ABLIM2: variants seen among roughly 807,000 people sequenced by gnomAD.
ABLIM2 encodes the protein actin-binding LIM protein 2.
A neutral mutation model predicts 97.7 loss-of-function variants in ABLIM2; 53 were observed. That is an observed-to-expected ratio of 0.54 (90% CI 0.44 to 0.68). The LOEUF (loss-of-function observed/expected upper bound fraction) is 0.68. Among genes scored for constraint, ABLIM2 ranks in the 30% least tolerant of loss-of-function variants. The pLI, the probability that ABLIM2 is intolerant of heterozygous loss-of-function variation, is 0.00. For synonymous variants in ABLIM2, 361 were observed against 345.8 expected (o/e 1.04, Z -0.49); for missense variants, 835 against 867.2 (o/e 0.96, Z 0.47).
At chr4:7,985,194 C>T (rs1055029661) in intron 17 of ABLIM2, among the ~76,000 whole-genome samples, 3 of 152,226 alleles carry the variant, frequency 2.0e-5, no homozygotes, top group African/African-American at 4.8e-5. Flanking sequence ...TTGAAAGCTG[C>T]TCCCAGGTGC....
At chr4:8,039,894 T>TTTTTC (rs1553989809) in intron 9 of ABLIM2, among the ~76,000 whole-genome samples, 2 of 145,542 alleles carry the variant, frequency 1.4e-5, no homozygotes, top group East Asian at 2.1e-4. Flanking sequence ...TTTTTTTTTT[T>TTTTTC]TTAATAAATG....
At chr4:8,034,945 TGGTGGGTGGTAGGTAGGTGGGTACG>T (rs1579299073) in intron 10 of ABLIM2, among the ~76,000 whole-genome samples, 1 of 81,176 alleles carries the variant, frequency 1.2e-5, no homozygotes, top group East Asian at 3.9e-4. Context: ...TGCGGATGGG[TGGTGGGTGGTAGGTAGGTGGGTACG>T]GGTGGGTGGT....
chr4:8,036,484 C>T (rs1004488902), intron 9 of ABLIM2, among the ~76,000 whole-genome samples, 189 bp from the exon 10 acceptor site: 30 of 152,106 alleles, frequency 2.0e-4, no homozygotes, highest in African/African-American at 7.2e-4. Context: ...GTGGCTGCTC[C>T]AGCAGCCGTG....
rs934209504 is a variant in ABLIM2 at position 8,005,275 on chromosome 4, C to T, written c.1618+2784G>A. On this transcript the variant is annotated intron_variant, in intron 16 of 20. Transcript: ENST00000447017. The surrounding 1 kb of genome is among the most constrained non-coding windows in gnomAD (Gnocchi z 4.9). ...GGGGCTGCTCTTGTCTTCTCTGTCC[C>T]CCTCGGCGCCCCGCTCAGCGTCTGG... 2 of 524,404 alleles carry T rather than the reference C, an allele frequency of 3.8e-6. No homozygotes were observed. Among genetic ancestry groups the T allele is most frequent in the Non-Finnish European group, 3.9e-6 (1 of 253,540 alleles). 32.5% of individuals were successfully genotyped at this position (524,404 alleles called of 1,614,324 possible). A position where few individuals can be genotyped will look rare whatever the true frequency, so the allele number is the denominator to read the frequency against.
chr4:8,110,752 G>A (rs1306914749), intron 1 of ABLIM2, among the ~76,000 whole-genome samples: 2 of 152,202 alleles, frequency 1.3e-5, no homozygotes, highest in Non-Finnish European at 2.9e-5. Flanking sequence ...CGCCTCCGAG[G>A]CGTCCGGGGG....
rs1474972989 is a variant in ABLIM2, at chr4:8,033,190, C to T, written c.1047+2959G>A. Among the ~76,000 whole-genome samples the T allele has an allele frequency of 4.6e-5, 7 of 152,204 alleles. No homozygotes were observed. The South Asian group carries it at 8.3e-4, about 18-fold the overall frequency. Reference sequence around the variant, plus strand: ...CGTCTTCCCAGGCTGGCACCCCATCCACCACCACCTGCACATATGTTCAGT... The same window carrying T: ...CGTCTTCCCAGGCTGGCACCCCATCTACCACCACCTGCACATATGTTCAGT... On this transcript the variant is annotated intron_variant, in intron 10 of 20. Coordinates refer to ENST00000447017, the MANE Select transcript of ABLIM2 (RefSeq NM_001130083.2). The surrounding 1 kb of genome is among the most constrained non-coding windows in gnomAD (Gnocchi z 4.5).
chr4:8,051,663 C>T (rs1796136737), intron 8 of ABLIM2, among the ~76,000 whole-genome samples: 1 of 152,106 alleles, frequency 6.6e-6, no homozygotes. Context: ...CTCTTAGAAC[C>T]AGGCAGGCAC....
At chr4:8,078,684 G>T (rs1278936531) in intron 5 of ABLIM2, among the ~76,000 whole-genome samples, 1 of 152,226 alleles carries the variant, frequency 6.6e-6, no homozygotes, top group Non-Finnish European at 1.5e-5. Flanking sequence ...CATCCCAGCT[G>T]TGTGACCCTG....
At chr4:8,017,476 T>G (rs1770267776) in intron 14 of ABLIM2, among the ~76,000 whole-genome samples, 1 of 151,694 alleles carries the variant, frequency 6.6e-6, no homozygotes, top group South Asian at 2.1e-4. Flanking sequence ...TTAGTAGAGA[T>G]GGGGTTTCAC....
chr4:8,019,624 G>C lies in ABLIM2; in HGVS notation c.1417C>G (p.Gln473Glu), dbSNP rs139932217. 16 of 1,612,078 alleles carry C rather than the reference G, an allele frequency of 9.9e-6. No homozygotes were observed. Among genetic ancestry groups the C allele is most frequent in the South Asian group, 2.2e-5 (2 of 90,594 alleles). Residue 473 changes from glutamine to glutamate, a missense_variant, in exon 14 of 21, where the codon CAG (glutamine) becomes GAG (glutamate). Gln to Glu is a conservative substitution (Grantham distance 29). Transcript: ENST00000447017. The surrounding 1 kb of genome is among the most constrained non-coding windows in gnomAD (Gnocchi z 4.3). ...GGGAGGAATCCAACCGTACCATGCT[G>C]TCTGTAGATAGGGGGTTTCCTATAG... ...NIYRKPPIYR[Q>E]HAARRSDGED...
rs1755185102 is a variant in ABLIM2 at position 7,998,846 on chromosome 4, C to T, written c.1619-5919G>A. On this transcript the variant is annotated intron_variant, in intron 16 of 20. Transcript: ENST00000447017. This position sits in a 1 kb window ranked among gnomAD's most constrained non-coding sequence, Gnocchi z 6.4. ...CGCCAGGCCACTTTGCTGTTCCCAC[C>T]TTTAGAGTTGTCCTGTGACCAACCG... Among the ~76,000 whole-genome samples, 1 of 152,164 alleles carries T rather than the reference C, an allele frequency of 6.6e-6. No homozygotes were observed. The highest frequency in any genetic ancestry group is 2.4e-5 in the African/African-American group (1 of 41,432).
At chr4:8,064,821 C>T in intron 6 of ABLIM2, among the ~76,000 whole-genome samples, 1 of 152,158 alleles carries the variant, frequency 6.6e-6, no homozygotes, top group Non-Finnish European at 1.5e-5. Context: ...GTACTGGTTC[C>T]ATGGGTGTGT....
rs1798732229 is a variant in ABLIM2, at chr4:8,055,825, T to G, written c.764-1579A>C. 2.0e-5 allele frequency among the ~76,000 whole-genome samples: 3 copies of G among 151,910 alleles called. 1 individual carries two copies. The highest frequency in any genetic ancestry group is 4.4e-5 in the Non-Finnish European group (3 of 67,952). The stretch of plus-strand genomic sequence containing the variant: ...TAAAAATAAATTATGACCATAAAAG[T>G]AATAGGGCTGGGCGCGGTGGCTCAC... On this transcript the variant is annotated intron_variant, in intron 7 of 20. Coordinates refer to ENST00000447017, the MANE Select transcript of ABLIM2 (RefSeq NM_001130083.2).
chr4:8,145,697 C>T (rs1169355397), intron 1 of ABLIM2, among the ~76,000 whole-genome samples: 1 of 150,712 alleles, frequency 6.6e-6, no homozygotes, highest in African/African-American at 2.4e-5. Flanking sequence ...AGCAGAACTC[C>T]CTCTCTTTTA....
chr4:8,024,915 T>C (rs1776332995), intron 12 of ABLIM2, among the ~76,000 whole-genome samples: 2 of 152,124 alleles, frequency 1.3e-5, no homozygotes, highest in African/African-American at 4.8e-5. Context: ...GCCAGGTGGC[T>C]TTTTGTGATT....
intron 3 of ABLIM2, among the ~76,000 whole-genome samples, chr4:8,091,318 ATTATATATATAT>A (rs1183783085): frequency 3.3e-5 from 1 of 30,602 alleles, no homozygotes; most frequent in African/African-American, 2.0e-4. Flanking sequence ...TATATATATA[ATTATATATATAT>A]TATATATATA....
intron 5 of ABLIM2, among the ~76,000 whole-genome samples, chr4:8,078,176 G>A (rs1475291262): frequency 2.0e-5 from 3 of 152,240 alleles, no homozygotes; most frequent in Non-Finnish European, 4.4e-5. Context: ...GGGTGTGGTA[G>A]GTTAGGACAA....
At chr4:8,104,896 G>A (rs945502843) in intron 2 of ABLIM2, among the ~76,000 whole-genome samples, 6 of 152,110 alleles carry the variant, frequency 3.9e-5, no homozygotes, top group East Asian at 1.9e-4. Context: ...GACATGAACC[G>A]GACTAGTGGA....
intron 9 of ABLIM2, among the ~76,000 whole-genome samples, chr4:8,037,163 T>C (rs577861712): frequency 6.6e-6 from 1 of 152,298 alleles, no homozygotes; most frequent in Admixed American, 6.5e-5. Context: ...TTTATTGTTG[T>C]TTGCTATTTT....
Sources: gnomAD v4.1 joint callset for allele counts (sites outside exome capture counted in the v4.1 genomes callset) on GRCh38, gnomAD v4.1.1 for gene constraint, Gnocchi (gnomAD v3.1) non-coding constraint, MANE v1.5 for transcripts, NCBI Gene and HGNC (gene_info 2026-07-23, HGNC 2026-07-21) for gene names.